PLCL2: variants seen among roughly 807,000 people sequenced by gnomAD.
PLCL2 encodes the protein inactive phospholipase C-like protein 2.
A neutral mutation model predicts 79.6 loss-of-function variants in PLCL2; 4 were observed. The observed-to-expected ratio is 0.05, with a 90% CI of 0.02 to 0.11. The LOEUF (loss-of-function observed/expected upper bound fraction) is 0.11, where lower values mean the gene tolerates loss of function less well. PLCL2 is among the 10% of genes least tolerant of loss of function. The pLI, the probability that PLCL2 is intolerant of heterozygous loss-of-function variation, is 1.00. For synonymous variants in PLCL2, 484 were observed against 457.7 expected (o/e 1.06, Z -0.73); for missense variants, 895 against 1,291.0 (o/e 0.69, Z 4.70).
At chr3:17,039,518 A>G (rs1387067297) in intron 3 of PLCL2, among the ~76,000 whole-genome samples, 5 of 152,236 alleles carry the variant, frequency 3.3e-5, no homozygotes, top group Admixed American at 2.6e-4. Context: ...ACTGTTAACC[A>G]TACATTAATT....
At chr3:16,982,709 C>T (rs2064012131) in intron 1 of PLCL2, among the ~76,000 whole-genome samples, 2 of 152,282 alleles carry the variant, frequency 1.3e-5, no homozygotes, top group South Asian at 4.1e-4. Flanking sequence ...ATTGACCGCT[C>T]CTGCGTCATA....
intron 1 of PLCL2, among the ~76,000 whole-genome samples, chr3:16,981,299 A>C (rs9881997): frequency 0.35 from 52,888 of 152,158 alleles, 9,606 homozygotes; most frequent in African/African-American, 0.41. Flanking sequence ...TTCCATTTTA[A>C]TTTAAGTGAA....
intron 1 of PLCL2, among the ~76,000 whole-genome samples, chr3:16,908,959 A>G (rs1219860242): frequency 6.6e-6 from 1 of 152,160 alleles, no homozygotes; most frequent in African/African-American, 2.4e-5. Flanking sequence ...AGTTAACTAG[A>G]TATCTGGAAC....
chr3:16,926,756 C>T (rs993614557), intron 1 of PLCL2, among the ~76,000 whole-genome samples: 16 of 151,862 alleles, frequency 1.1e-4, no homozygotes, highest in Non-Finnish European at 2.4e-4. Context: ...TTCAGCCTCC[C>T]GAGTAGCTGA....
At chr3:17,057,841 T>C (rs1434881985) in intron 4 of PLCL2, among the ~76,000 whole-genome samples, 1 of 152,170 alleles carries the variant, frequency 6.6e-6, no homozygotes, top group East Asian at 1.9e-4. Flanking sequence ...TCAATAAATA[T>C]CTGTTGAGCT....
At chr3:16,987,835 A>T (rs79714874) in intron 1 of PLCL2, among the ~76,000 whole-genome samples, 4,019 of 152,304 alleles carry the variant, frequency 0.026, 100 homozygotes, top group Non-Finnish European at 0.04. Flanking sequence ...TTTGTCTTTT[A>T]CTAAATGTAA....
intron 3 of PLCL2, among the ~76,000 whole-genome samples, chr3:17,021,143 G>T (rs1294743811): frequency 6.6e-6 from 1 of 152,124 alleles, no homozygotes; most frequent in East Asian, 1.9e-4. Flanking sequence ...TTTGGGATAA[G>T]AATAAGCTAA....
At chr3:17,052,259 G>GC (rs777737236) in intron 4 of PLCL2, among the ~76,000 whole-genome samples, 1 of 149,168 alleles carries the variant, frequency 6.7e-6, no homozygotes, top group South Asian at 2.2e-4. Context: ...AAAAATTGGG[G>GC]GGGGGTGAAG....
intron 4 of PLCL2, among the ~76,000 whole-genome samples, chr3:17,053,868 G>T (rs1168310896): frequency 2.0e-5 from 3 of 152,260 alleles, no homozygotes; most frequent in East Asian, 3.9e-4. Flanking sequence ...CTGTCAGGAA[G>T]GTCTCTGAAA....
At chr3:16,927,643 G>T (rs933379700) in intron 1 of PLCL2, among the ~76,000 whole-genome samples, 10 of 152,122 alleles carry the variant, frequency 6.6e-5, no homozygotes, top group Non-Finnish European at 1.3e-4. Context: ...TATTTGTTGT[G>T]GGGGCTGTTC....
chr3:17,054,394 C>T (rs571251220), intron 4 of PLCL2, among the ~76,000 whole-genome samples: 6 of 152,240 alleles, frequency 3.9e-5, no homozygotes, highest in Admixed American at 3.9e-4. Context: ...CCTCATCTTC[C>T]TGTCTTTTTC....
At chr3:16,889,077 G>T (rs943202852) in intron 1 of PLCL2, among the ~76,000 whole-genome samples, 1 of 152,006 alleles carries the variant, frequency 6.6e-6, no homozygotes, top group Non-Finnish European at 1.5e-5. Context: ...AGGAAATTCG[G>T]CCATTACCTT....
intron 2 of PLCL2, among the ~76,000 whole-genome samples, chr3:17,014,293 G>C (rs962514324): frequency 2.6e-5 from 4 of 152,118 alleles, no homozygotes; most frequent in Non-Finnish European, 5.9e-5. Flanking sequence ...TTTCCCTTTT[G>C]TATGGCTGGC....
intron 1 of PLCL2, among the ~76,000 whole-genome samples, chr3:16,969,217 T>C (rs909388193): frequency 6.6e-5 from 10 of 152,148 alleles, no homozygotes; most frequent in Non-Finnish European, 8.8e-5. Context: ...TTTTGTTGTG[T>C]CTCTTCCAGG....
intron 1 of PLCL2, among the ~76,000 whole-genome samples, chr3:16,952,624 A>G (rs942489639): frequency 2.6e-5 from 4 of 152,016 alleles, no homozygotes; most frequent in Admixed American, 2.6e-4. Flanking sequence ...CAGGATACAA[A>G]TTTGTATATA....
In PLCL2 at chr3:17,067,256, T is replaced by C. The variant is rs187817315; in HGVS notation, c.3095-700T>C. ...TTCAGCGGTCTTACTATTAGAGTTA[T>C]ATTGGTGTGATTAGGAATTAAGATT... On this transcript the variant is annotated intron_variant, in intron 4 of 5. Coordinates refer to ENST00000615277, the MANE Select transcript of PLCL2 (RefSeq NM_001144382.2). Among the ~76,000 whole-genome samples, 63 of 152,280 alleles carry C rather than the reference T, an allele frequency of 4.1e-4. No homozygotes were observed. In the East Asian group the frequency reaches 0.011, roughly 28 times the overall value.
chr3:16,979,764 G>A (rs1253685322), intron 1 of PLCL2, among the ~76,000 whole-genome samples: 1 of 147,790 alleles, frequency 6.8e-6, no homozygotes, highest in Non-Finnish European at 1.5e-5. Context: ...GCAACCATCC[G>A]ATTTCTCAAT....
intron 1 of PLCL2, among the ~76,000 whole-genome samples, chr3:16,924,670 A>G (rs1424161305): frequency 1.3e-5 from 2 of 152,142 alleles, no homozygotes; most frequent in African/African-American, 4.8e-5. Context: ...TATACCAGTT[A>G]AAGGTCATTG....
intron 3 of PLCL2, among the ~76,000 whole-genome samples, chr3:17,030,380 A>G (rs527419646): frequency 6.6e-6 from 1 of 152,332 alleles, no homozygotes; most frequent in South Asian, 2.1e-4. Context: ...CTGGTTGCAT[A>G]TAGCTCCTGA....
Sources: gnomAD v4.1 joint callset for allele counts (sites outside exome capture counted in the v4.1 genomes callset) on GRCh38, gnomAD v4.1.1 for gene constraint, MANE v1.5 for transcripts, NCBI Gene and HGNC (gene_info 2026-07-23, HGNC 2026-07-21) for gene names.